Variants in ADAMTSL3 observed in about 807,000 individuals in gnomAD.
The protein encoded by ADAMTSL3 is ADAMTS-like protein 3.
Under a neutral mutation model 201.7 loss-of-function variants are expected in ADAMTSL3, and 128 were observed. That is an observed-to-expected ratio of 0.63 (90% CI 0.55 to 0.73). The LOEUF is 0.73. Among genes scored for constraint, ADAMTSL3 ranks in the 30% least tolerant of loss-of-function variants. ADAMTSL3 has a pLI of 0.00. For synonymous variants in ADAMTSL3, 738 were observed against 748.4 expected, an observed-to-expected ratio of 0.99 and a Z score of 0.23; for missense variants, 1,990 against 2,119.6, an observed-to-expected ratio of 0.94 and a Z score of 1.20.
intron 3 of ADAMTSL3, among the ~76,000 whole-genome samples, chr15:83,730,331 C>T (rs182603959): frequency 9.8e-4 from 149 of 152,198 alleles, no homozygotes; most frequent in Non-Finnish European, 1.6e-3. Context: ...TGACTTCCTA[C>T]GGCACACCAA....
chr15:83,773,963 T>G (rs2063029630), intron 4 of ADAMTSL3, among the ~76,000 whole-genome samples: 2 of 152,202 alleles, frequency 1.3e-5, no homozygotes, highest in Admixed American at 1.3e-4. Context: ...TCTTCTGAGT[T>G]CTGCCCTTGG....
intron 3 of ADAMTSL3, among the ~76,000 whole-genome samples, chr15:83,725,816 T>A (rs1215499422): frequency 6.6e-6 from 1 of 152,196 alleles, no homozygotes; most frequent in African/African-American, 2.4e-5. Flanking sequence ...TAATTTGAAG[T>A]CAGGTAATGT....
In ADAMTSL3 at chr15:83,983,287, C is replaced by A. The variant is rs1452707953; in HGVS notation, c.3659C>A (p.Pro1220His). ...VINILCDLITPSEATYTWTKD... is the reference protein window; with the variant it reads ...VINILCDLITHSEATYTWTKD... ...AATATACTGTGTGACCTTATTACCC[C>A]CAGTGAGGCCACATATACATGGACC... Residue 1220 changes from proline to histidine, a missense_variant, in exon 21 of 30, where the codon CCC (proline) becomes CAC (histidine). Coordinates refer to ENST00000286744, the MANE Select transcript of ADAMTSL3 (RefSeq NM_207517.3). 6.3e-7 allele frequency: 1 copy of A among 1,599,738 alleles called. No homozygotes were observed.
In ADAMTSL3 at chr15:84,000,630, G is replaced by A. The variant is rs561326402; in HGVS notation, c.3973+9416G>A. 7.9e-4 allele frequency among the ~76,000 whole-genome samples: 120 copies of A among 152,326 alleles called. 1 individual carries two copies. The highest frequency in any genetic ancestry group is 2.7e-3 in the African/African-American group (114 of 41,574). On this transcript the variant is annotated intron_variant, in intron 23 of 29. Transcript: ENST00000286744. ...TCATAATGCAAAAATAGAAGTGTTT[G>A]TGAAGTGTATCAGACACATTAAGGA... is the stretch of plus-strand genomic sequence containing the variant.
chr15:84,019,018 C>T (rs1014605339), intron 25 of ADAMTSL3, among the ~76,000 whole-genome samples: 2 of 147,092 alleles, frequency 1.4e-5, no homozygotes, highest in African/African-American at 5.0e-5. Context: ...GAACTTATAT[C>T]TAGAATATAT....
intron 2 of ADAMTSL3, among the ~76,000 whole-genome samples, chr15:83,664,107 T>C (rs2061215088): frequency 6.6e-6 from 1 of 152,230 alleles, no homozygotes. Flanking sequence ...ATGTCGTCTC[T>C]CAAATGTAAA....
chr15:83,892,662 A>C (rs1292224380), intron 12 of ADAMTSL3, 22 bp from the exon 13 acceptor site: 2 of 1,581,832 alleles, frequency 1.3e-6, no homozygotes, highest in Non-Finnish European at 1.7e-6. Flanking sequence ...AAATAATATA[A>C]TTTTATTTGT....
chr15:83,986,937 T>C (rs2067489580), intron 21 of ADAMTSL3, among the ~76,000 whole-genome samples: 1 of 152,202 alleles, frequency 6.6e-6, no homozygotes, highest in Non-Finnish European at 1.5e-5. Context: ...CAAGGACAGA[T>C]CCAGGCTAGG....
chr15:83,891,294 T>C, intron 11 of ADAMTSL3, 35 bp from the exon 12 acceptor site: 1 of 1,506,842 alleles, frequency 6.6e-7, no homozygotes, highest in South Asian at 1.1e-5. Flanking sequence ...TAATTTATTA[T>C]AGAAATGATA....
At chr15:84,010,098 G>T (rs2067980902) in intron 23 of ADAMTSL3, among the ~76,000 whole-genome samples, 1 of 152,210 alleles carries the variant, frequency 6.6e-6, no homozygotes, top group Admixed American at 6.5e-5. Flanking sequence ...ATTGCTTTTA[G>T]AAATGTTCAG....
rs199748427 is a variant in ADAMTSL3, at chr15:83,800,686, A to G, written c.318-3964A>G. Among the ~76,000 whole-genome samples the G allele has an allele frequency of 6.6e-5, 10 of 152,280 alleles. No individual in the cohort carries two copies. The East Asian group carries it at 1.9e-3, about 29-fold the overall frequency. ...AGTTTTGTATTCCAGTATTGCCATCAATTCAAATATTTTTTTTAACCTGTG... is the reference window on the plus strand; with the variant it reads ...AGTTTTGTATTCCAGTATTGCCATCGATTCAAATATTTTTTTTAACCTGTG... On this transcript the variant is annotated intron_variant, in intron 4 of 29. Coordinates refer to ENST00000286744, the MANE Select transcript of ADAMTSL3 (RefSeq NM_207517.3).
intron 6 of ADAMTSL3, among the ~76,000 whole-genome samples, chr15:83,822,828 G>A (rs2063912898): frequency 6.6e-6 from 1 of 151,928 alleles, no homozygotes; most frequent in African/African-American, 2.4e-5. Flanking sequence ...CGGCACTTTG[G>A]GAGGCCAAGG....
Position 83,913,261 on chromosome 15 carries a change from G to A in ADAMTSL3, c.1870G>A (p.Ala624Thr), listed in dbSNP as rs1270048823. 1.9e-6 allele frequency: 3 copies of A among 1,614,098 alleles called. No homozygotes were observed. Among genetic ancestry groups the A allele is most frequent in the Non-Finnish European group, 1.7e-6 (2 of 1,180,036 alleles). Residue 624 changes from alanine to threonine, a missense_variant, in exon 16 of 30, where the codon GCA becomes ACA. Physicochemically the swap from Ala to Thr is moderately conservative, Grantham distance 58. Coordinates refer to ENST00000286744, the MANE Select transcript of ADAMTSL3 (RefSeq NM_207517.3). Reference sequence around the variant, plus strand: ...CACCGAACGGCCCTGCCTCCTGGAAGCATGTGATGAGAGCCCGGCCTCCCG... The same window carrying A: ...CACCGAACGGCCCTGCCTCCTGGAAACATGTGATGAGAGCCCGGCCTCCCG... Reference protein sequence around the residue: ...LPTERPCLLEACDESPASREL... With the variant: ...LPTERPCLLETCDESPASREL...
intron 3 of ADAMTSL3, among the ~76,000 whole-genome samples, chr15:83,714,793 C>CTT (rs1315219559): frequency 0.14 from 7,849 of 57,576 alleles, 1,009 homozygotes; most frequent in Admixed American, 0.33. Context: ...CTTTTTCTTT[C>CTT]TCTCTCTTTC....
chr15:83,674,670 T>TAC (rs1278891398), intron 2 of ADAMTSL3, among the ~76,000 whole-genome samples: 4 of 148,674 alleles, frequency 2.7e-5, no homozygotes, highest in African/African-American at 4.9e-5. Flanking sequence ...TATATACATA[T>TAC]ATACACACAT....
intron 3 of ADAMTSL3, among the ~76,000 whole-genome samples, chr15:83,745,976 C>T (rs558426243): frequency 2.0e-5 from 3 of 152,214 alleles, no homozygotes; most frequent in African/African-American, 7.2e-5. Flanking sequence ...TTGTCAGCTG[C>T]AGGGAACATA....
intron 23 of ADAMTSL3, among the ~76,000 whole-genome samples, chr15:83,999,254 C>T (rs2067745157): frequency 6.6e-6 from 1 of 152,214 alleles, no homozygotes; most frequent in South Asian, 2.1e-4. Context: ...ATAAACCCTT[C>T]TCTTGTTTTT....
intron 5 of ADAMTSL3, among the ~76,000 whole-genome samples, chr15:83,808,907 G>A (rs1442515089): frequency 7.0e-6 from 1 of 142,300 alleles, no homozygotes; most frequent in Non-Finnish European, 1.5e-5. Context: ...TCATTCATAC[G>A]TGGAATCCAA....
chr15:83,823,219 G>T, intron 6 of ADAMTSL3, among the ~76,000 whole-genome samples: 1 of 136,428 alleles, frequency 7.3e-6, no homozygotes, highest in Non-Finnish European at 1.6e-5. Context: ...AGGGTGAGGG[G>T]GAGGGGGAGG....
Sources: gnomAD v4.1 joint callset for allele counts (sites outside exome capture counted in the v4.1 genomes callset) on GRCh38, gnomAD v4.1.1 for gene constraint, MANE v1.5 for transcripts, NCBI Gene and HGNC (gene_info 2026-07-23, HGNC 2026-07-21) for gene names.